The following PCNX2 variants were observed in gnomAD, a reference collection of about 807,000 sequenced individuals.
The protein encoded by PCNX2 is pecanex 2.
In PCNX2, 168 loss-of-function variants were observed where a neutral mutation model predicts 223.8. The observed-to-expected ratio is 0.75, with a 90% confidence interval of 0.66 to 0.85. The LOEUF (loss-of-function observed/expected upper bound fraction) is 0.85. Among genes scored for constraint, PCNX2 ranks in the 40% least tolerant of loss-of-function variants. The pLI is 0.00. For synonymous variants in PCNX2, 1,006 were observed against 1,052.6 expected, an observed-to-expected ratio of 0.96 and a Z score of 0.86; for missense variants, 2,507 against 2,675.5, an observed-to-expected ratio of 0.94 and a Z score of 1.39.
At chr1:233,056,526 G>C (rs1284116505) in intron 24 of PCNX2, among the ~76,000 whole-genome samples, 1 of 152,102 alleles carries the variant, frequency 6.6e-6, no homozygotes, top group Non-Finnish European at 1.5e-5. Context: ...TCATTGTACT[G>C]ACATAAAGTT....
At chr1:233,103,758 C>G (rs537068195) in intron 21 of PCNX2, among the ~76,000 whole-genome samples, 1 of 152,264 alleles carries the variant, frequency 6.6e-6, no homozygotes, top group African/African-American at 2.4e-5. Context: ...GTGCAGATAT[C>G]TCTTCAATAT....
At chr1:233,064,081 G>A (rs1198355374) in intron 23 of PCNX2, among the ~76,000 whole-genome samples, 1 of 151,090 alleles carries the variant, frequency 6.6e-6, no homozygotes, top group Non-Finnish European at 1.5e-5. Context: ...TTTAGTTTTG[G>A]AGAGTCGAAA....
rs1340022106 is a variant in PCNX2 at position 232,998,471 on chromosome 1, A to G, written c.5604-33T>C. Reference sequence around the variant, plus strand: ...AGGGAGAAGTCCTTTGAGGATTCTCAGCAACACACTTCCAATCCCCCTAAA... The same window carrying G: ...AGGGAGAAGTCCTTTGAGGATTCTCGGCAACACACTTCCAATCCCCCTAAA... On this transcript the variant is annotated intron_variant, in intron 31 of 33. Transcript: ENST00000258229. 1.9e-5 allele frequency: 30 copies of G among 1,598,812 alleles called. No homozygotes were observed. The Admixed American group carries it at 4.8e-4, about 26-fold the overall frequency.
At chr1:233,125,686 G>A (rs1676055754) in intron 21 of PCNX2, among the ~76,000 whole-genome samples, 1 of 152,128 alleles carries the variant, frequency 6.6e-6, no homozygotes, top group Non-Finnish European at 1.5e-5. Context: ...TCCCCCACCC[G>A]AAGACTTTGG....
At chr1:233,083,737 G>A (rs1457472419) in intron 23 of PCNX2, among the ~76,000 whole-genome samples, 3 of 152,172 alleles carry the variant, frequency 2.0e-5, no homozygotes, top group Non-Finnish European at 2.9e-5. Context: ...GAACAGAACT[G>A]GAGCTCAGTG....
rs146185831 is a variant in PCNX2 at position 233,177,819 on chromosome 1, T to C, written c.3256A>G (p.Lys1086Glu). 1,204 of 1,613,578 alleles carry C rather than the reference T, an allele frequency of 7.5e-4. 7 individuals are homozygous for C. The African/African-American group carries it at 0.013, about 17-fold the overall frequency. Residue 1086 changes from lysine to glutamate, a missense_variant, in exon 17 of 34, where the codon AAG becomes GAG. Physicochemically the swap from Lys to Glu is moderately conservative, Grantham distance 56. Coordinates refer to ENST00000258229, the MANE Select transcript of PCNX2 (RefSeq NM_014801.4). ...TGTCTCACCACTGAATCTTTCATCTTCTTGGGGAGAGGGTCAGCAGCTGAC... is the reference window on the plus strand; with the variant it reads ...TGTCTCACCACTGAATCTTTCATCTCCTTGGGGAGAGGGTCAGCAGCTGAC... ...AESAADPLPK[K>E]MKDSVTDVLK... is the part of the protein sequence containing the mutation.
chr1:233,201,130 A>AG (rs1327906358), intron 13 of PCNX2, among the ~76,000 whole-genome samples: 1,612 of 142,272 alleles, frequency 0.011, 16 homozygotes, highest in Non-Finnish European at 0.016. Flanking sequence ...AAAAAAAAAA[A>AG]GTTGGTTAAA....
intron 8 of PCNX2, among the ~76,000 whole-genome samples, chr1:233,239,304 GT>G (rs532996755): frequency 6.6e-6 from 1 of 152,198 alleles, no homozygotes; most frequent in Non-Finnish European, 1.5e-5. Flanking sequence ...ACGAATGGCT[GT>G]TTTAGAGCAG....
chr1:233,236,388 C>T (rs1004188052), intron 9 of PCNX2, among the ~76,000 whole-genome samples: 3 of 151,924 alleles, frequency 2.0e-5, no homozygotes, highest in African/African-American at 7.3e-5. Context: ...CATTTTTAGA[C>T]CTCTTGATGA....
chr1:233,045,250 A>G (rs1671786371), intron 25 of PCNX2, among the ~76,000 whole-genome samples: 1 of 152,206 alleles, frequency 6.6e-6, no homozygotes, highest in African/African-American at 2.4e-5. Flanking sequence ...GAAATGATGT[A>G]TCCCAATCAT....
chr1:233,248,399 G>A (rs1659254426), intron 8 of PCNX2, among the ~76,000 whole-genome samples: 1 of 152,038 alleles, frequency 6.6e-6, no homozygotes, highest in Non-Finnish European at 1.5e-5. Context: ...CAGACACAAT[G>A]AGACCTTCCA....
At chr1:233,239,689 G>A (rs1658638915) in intron 8 of PCNX2, among the ~76,000 whole-genome samples, 1 of 152,178 alleles carries the variant, frequency 6.6e-6, no homozygotes. Context: ...AGTGAACACT[G>A]CCTTTCATAT....
chr1:233,320,782 C>T, the PCNX2 span, among the ~76,000 whole-genome samples: 1 of 152,086 alleles, frequency 6.6e-6, no homozygotes, highest in Admixed American at 6.6e-5. Flanking sequence ...CCAAATGTTG[C>T]CACATCTCAT....
intron 25 of PCNX2, among the ~76,000 whole-genome samples, chr1:233,033,640 G>A (rs997528629): frequency 6.6e-6 from 1 of 152,204 alleles, no homozygotes; most frequent in Non-Finnish European, 1.5e-5. Flanking sequence ...AAGGTTTGCT[G>A]GGCTGTTTTA....
At chr1:233,071,016 A>G (rs1672831709) in intron 23 of PCNX2, among the ~76,000 whole-genome samples, 1 of 152,220 alleles carries the variant, frequency 6.6e-6, no homozygotes, top group South Asian at 2.1e-4. Flanking sequence ...AGCCTGGGCG[A>G]CAGAGCAAGA....
intron 23 of PCNX2, among the ~76,000 whole-genome samples, chr1:233,076,264 C>T (rs1039860890): frequency 2.0e-5 from 3 of 152,174 alleles, no homozygotes; most frequent in South Asian, 4.1e-4. Context: ...GGGATGAAGA[C>T]ATGTTTATTT....
chr1:233,218,246 C>CT (rs372117818), intron 10 of PCNX2, 62 bp from the exon 11 acceptor site: 51,473 of 495,322 alleles, frequency 0.1, 56 homozygotes, highest in South Asian at 0.13. Context: ...TAAGTTTTGC[C>CT]TTTTTTTTTT....
At chr1:233,176,690 G>A (rs1679496077) in intron 17 of PCNX2, among the ~76,000 whole-genome samples, 1 of 152,228 alleles carries the variant, frequency 6.6e-6, no homozygotes, top group Non-Finnish European at 1.5e-5. Context: ...CACCTAAGTG[G>A]CCACACCATG....
chr1:233,314,955 C>A, the PCNX2 span, among the ~76,000 whole-genome samples: 19 of 152,260 alleles, frequency 1.2e-4, no homozygotes, highest in East Asian at 3.5e-3. Flanking sequence ...ATTTATATGG[C>A]ACATTATAGT....
Sources: gnomAD v4.1 joint callset for allele counts (sites outside exome capture counted in the v4.1 genomes callset) on GRCh38, gnomAD v4.1.1 for gene constraint, MANE v1.5 for transcripts, NCBI Gene and HGNC (gene_info 2026-07-23, HGNC 2026-07-21) for gene names.